Variants in FIGN observed in about 807,000 individuals in gnomAD.
FIGN encodes the protein fidgetin.
FIGN carries 11 observed loss-of-function variants against 51.3 expected under a neutral mutation model. The observed-to-expected ratio is 0.21, with a 90% CI of 0.13 to 0.35. The LOEUF (loss-of-function observed/expected upper bound fraction) is 0.35. FIGN is among the 10% of genes least tolerant of loss of function. The pLI is 1.00. For missense variants in FIGN, 857 were observed against 943.6 expected (o/e 0.91, Z 1.20); for synonymous variants, 407 against 363.2 (o/e 1.12, Z -1.37).
intron 2 of FIGN, among the ~76,000 whole-genome samples, chr2:163,661,919 T>TGA (rs1443974200): frequency 1.3e-5 from 2 of 152,204 alleles, no homozygotes; most frequent in Admixed American, 1.3e-4. Flanking sequence ...GTCTTGAGTA[T>TGA]GTCTTTATCA....
chr2:163,609,962 T>C lies in FIGN; in HGVS notation c.1870A>G (p.Ile624Val), dbSNP rs1691199000. The C allele has an allele frequency of 1.2e-6, 2 of 1,613,962 alleles. No homozygotes were observed. Among genetic ancestry groups the C allele is most frequent in the Non-Finnish European group, 1.7e-6 (2 of 1,180,014 alleles). The change falls in exon 3 of 3, where the codon ATC becomes GTC. Residue 624 changes from isoleucine (I) to valine (V), a missense_variant. Ile to Val is a conservative substitution (Grantham distance 29). Transcript: ENST00000333129. ...DTVLTSAEDQ[I>V]VVICATSKPE... The stretch of plus-strand genomic sequence containing the variant: ...TTACTGGTGGCACAAATTACTACGA[T>C]TTGGTCCTCAGCCGAAGTTAGTACA...
At chr2:163,690,478 A>T (rs1217040532) in intron 2 of FIGN, among the ~76,000 whole-genome samples, 3 of 152,108 alleles carry the variant, frequency 2.0e-5, no homozygotes, top group African/African-American at 7.2e-5. Context: ...TTGGGATAGA[A>T]CCATTTGTAA....
chr2:163,709,272 A>G (rs1359988059), intron 2 of FIGN, among the ~76,000 whole-genome samples: 3 of 152,168 alleles, frequency 2.0e-5, no homozygotes, highest in Non-Finnish European at 4.4e-5. Context: ...AAAAAGTAAT[A>G]TTTAGCTATA....
chr2:163,647,455 C>T (rs1683399787), intron 2 of FIGN, among the ~76,000 whole-genome samples: 1 of 152,130 alleles, frequency 6.6e-6, no homozygotes, highest in Admixed American at 6.6e-5. Flanking sequence ...CATCAGTCCA[C>T]TAGATTAGAG....
chr2:163,700,226 T>A (rs1684387522), intron 2 of FIGN, among the ~76,000 whole-genome samples: 3 of 152,116 alleles, frequency 2.0e-5, no homozygotes, highest in African/African-American at 7.2e-5. Flanking sequence ...CAGAATAAAT[T>A]GAGAAAATAA....
chr2:163,698,963 C>T (rs1684366203), intron 2 of FIGN, among the ~76,000 whole-genome samples: 1 of 152,132 alleles, frequency 6.6e-6, no homozygotes, highest in Admixed American at 6.6e-5. Context: ...GTTTTTGTCT[C>T]TCTAGGCAAG....
intron 2 of FIGN, among the ~76,000 whole-genome samples, chr2:163,694,884 C>T (rs532336884): frequency 6.6e-6 from 1 of 152,168 alleles, no homozygotes; most frequent in Non-Finnish European, 1.5e-5. Context: ...AACTTTTGGG[C>T]CCAAGCAATC....
intron 2 of FIGN, among the ~76,000 whole-genome samples, chr2:163,677,017 C>T (rs1304553938): frequency 6.6e-6 from 1 of 152,070 alleles, no homozygotes; most frequent in Non-Finnish European, 1.5e-5. Flanking sequence ...ACAGTGTCAC[C>T]CACTCTGCTT....
In FIGN at chr2:163,610,905, T is replaced by C; in HGVS notation, c.927A>G (p.Thr309=). 1 of 1,613,418 alleles carries C rather than the reference T, an allele frequency of 6.2e-7. No homozygotes were observed. Among genetic ancestry groups the C allele is most frequent in the Non-Finnish European group, 8.5e-7 (1 of 1,179,880 alleles). ...GLTPIAPSAL[T]NSSASSLKRK... ...TTTTGAGAGAACTTGCTGAACTGTT[T>C]GTCAGAGCCGACGGTGCAATAGGTG... is the stretch of plus-strand genomic sequence containing the variant. The change falls in exon 3 of 3, where the codon ACA becomes ACG. Residue 309 remains threonine, a synonymous_variant. Transcript: ENST00000333129.
chr2:163,625,922 G>T (rs569829328), intron 2 of FIGN, among the ~76,000 whole-genome samples: 1 of 152,108 alleles, frequency 6.6e-6, no homozygotes, highest in East Asian at 1.9e-4. Flanking sequence ...AAATGAAAAA[G>T]TACAAAAAAT....
At chr2:163,618,317 C>T (rs1682911217) in intron 2 of FIGN, among the ~76,000 whole-genome samples, 1 of 151,888 alleles carries the variant, frequency 6.6e-6, no homozygotes, top group Non-Finnish European at 1.5e-5. Flanking sequence ...ATACTTTTTT[C>T]TCTTTAAATC....
intron 2 of FIGN, among the ~76,000 whole-genome samples, chr2:163,696,899 G>A (rs1182473874): frequency 1.3e-5 from 2 of 149,636 alleles, no homozygotes; most frequent in Non-Finnish European, 1.5e-5. Context: ...TCGAACTCCT[G>A]GGCTCAAGCA....
rs1409251504 is a variant in FIGN, at chr2:163,611,827, A to G, written c.26-21T>C. Reference sequence around the variant, plus strand: ...CAAGCCTAAGAATTTTGGGGGGAAAAGAGTTAATTTACTTAAATAGGCATC... The same window carrying G: ...CAAGCCTAAGAATTTTGGGGGGAAAGGAGTTAATTTACTTAAATAGGCATC... On this transcript the variant is annotated intron_variant, in intron 2 of 2. Coordinates refer to ENST00000333129, the MANE Select transcript of FIGN (RefSeq NM_018086.4). 7 of 1,579,496 alleles carry G rather than the reference A, an allele frequency of 4.4e-6. No homozygotes were observed. In the East Asian group the frequency reaches 1.6e-4, roughly 36 times the overall value.
chr2:163,615,949 C>T (rs1682869129), intron 2 of FIGN, among the ~76,000 whole-genome samples: 1 of 152,064 alleles, frequency 6.6e-6, no homozygotes, highest in African/African-American at 2.4e-5. Context: ...AATACACAAT[C>T]TAATAGAAAA....
chr2:163,733,433 T>C (rs958342894), intron 2 of FIGN, among the ~76,000 whole-genome samples: 3 of 152,186 alleles, frequency 2.0e-5, no homozygotes, highest in South Asian at 2.1e-4. Flanking sequence ...CGATTTAAAA[T>C]TTATAAATGT....
chr2:163,702,118 T>A lies in FIGN; in HGVS notation c.25+32785A>T, dbSNP rs1684416753. On this transcript the variant is annotated intron_variant, in intron 2 of 2. Coordinates refer to ENST00000333129, the MANE Select transcript of FIGN (RefSeq NM_018086.4). ...GAAGCTTTCAAATACCCATTCTCAG[T>A]TTTCACATATGTAATCAGCAGAGAC... Among the ~76,000 whole-genome samples the A allele has an allele frequency of 1.3e-5, 2 of 152,082 alleles. 1 individual carries two copies. The highest frequency in any genetic ancestry group is 4.1e-4 in the South Asian group (2 of 4,824).
intron 2 of FIGN, among the ~76,000 whole-genome samples, chr2:163,631,790 A>G (rs932981623): frequency 1.3e-5 from 2 of 152,230 alleles, no homozygotes; most frequent in Admixed American, 1.3e-4. Context: ...TCCAGTGATA[A>G]GAATATCCAC....
At chr2:163,676,349 G>C (rs958458384) in intron 2 of FIGN, among the ~76,000 whole-genome samples, 2 of 146,674 alleles carry the variant, frequency 1.4e-5, no homozygotes, top group African/African-American at 5.0e-5. Context: ...CTCTATCAAA[G>C]AAAACTTTTA....
chr2:163,616,642 A>G (rs909064433), intron 2 of FIGN, among the ~76,000 whole-genome samples: 3 of 152,180 alleles, frequency 2.0e-5, no homozygotes, highest in African/African-American at 7.2e-5. Context: ...TGACAACATT[A>G]CTACACCTAT....
Sources: allele counts gnomAD v4.1 joint callset (sites outside exome capture counted in the v4.1 genomes callset), GRCh38; gene constraint gnomAD v4.1.1; transcripts MANE v1.5; gene names NCBI Gene and HGNC (gene_info 2026-07-23, HGNC 2026-07-21).